Variants in GPNMB observed in about 807,000 individuals in gnomAD.
GPNMB encodes the protein glycoprotein nmb.
In GPNMB, 71 loss-of-function variants were observed where a neutral mutation model predicts 57.3. The observed-to-expected ratio is 1.24, with a 90% CI of 1.02 to 1.51. The LOEUF (loss-of-function observed/expected upper bound fraction) is 1.51, where lower values mean the gene tolerates loss of function less well. Among genes scored for constraint, GPNMB ranks in the 40% most tolerant of loss-of-function variants. The probability of loss-of-function intolerance (pLI) is 0.00; values close to 1 mark genes in which losing one functional copy is unlikely to be tolerated. For synonymous variants in GPNMB, 253 were observed against 263.2 expected, an observed-to-expected ratio of 0.96 and a Z score of 0.38; for missense variants, 677 against 691.9, an observed-to-expected ratio of 0.98 and a Z score of 0.24.
At chr7:23,272,860 T>C (rs1783242685) in intron 9 of GPNMB, among the ~76,000 whole-genome samples, 1 of 151,852 alleles carries the variant, frequency 6.6e-6, no homozygotes, top group South Asian at 2.1e-4. Flanking sequence ...TTTTTTTTTT[T>C]TGAGGCAAGG....
chr7:23,265,187 G>A (rs949072988), intron 6 of GPNMB, among the ~76,000 whole-genome samples: 6 of 152,228 alleles, frequency 3.9e-5, no homozygotes, highest in Non-Finnish European at 7.3e-5. Flanking sequence ...ACTGCTCTGA[G>A]AAATCTGCTT....
intron 1 of GPNMB, among the ~76,000 whole-genome samples, chr7:23,248,930 C>A (rs892579884): frequency 6.6e-6 from 1 of 152,060 alleles, no homozygotes. Flanking sequence ...ACCACAGGCA[C>A]GTGCCACCAC....
intron 7 of GPNMB, 30 bp downstream of exon 7, chr7:23,266,645 A>G: frequency 6.2e-7 from 1 of 1,607,746 alleles, no homozygotes; most frequent in Non-Finnish European, 8.5e-7. Flanking sequence ...CCAGTGAGGA[A>G]GGATGCTAGA....
rs771301615 is a variant in GPNMB at position 23,260,661 on chromosome 7, G to T, written c.906G>T (p.Thr302=). 6.2e-7 allele frequency: 1 copy of T among 1,613,920 alleles called. No homozygotes were observed. Among genetic ancestry groups the T allele is most frequent in the Admixed American group, 1.7e-5 (1 of 60,012 alleles). The change falls in exon 6 of 11, where the codon ACG becomes ACT. Residue 302 remains threonine, a synonymous_variant. Coordinates refer to ENST00000258733, the MANE Select transcript of GPNMB (RefSeq NM_002510.3). The stretch of plus-strand genomic sequence containing the variant: ...CCACCAATCATACTGTGAATCACAC[G>T]TATGTGCTCAATGGAACCTTCAGCC... The part of the protein sequence containing the change: ...FVSTNHTVNH[T]YVLNGTFSLN...
In GPNMB at chr7:23,260,100, T is replaced by C; in HGVS notation, c.662T>C (p.Val221Ala). 1.2e-6 allele frequency: 2 copies of C among 1,614,000 alleles called. No homozygotes were observed. The highest frequency in any genetic ancestry group is 1.7e-6 in the Non-Finnish European group (2 of 1,179,870). The change falls in exon 5 of 11, where the codon GTT becomes GCT. Residue 221 changes from valine (V) to alanine (A), a missense_variant. Physicochemically the swap from Val to Ala is moderately conservative, Grantham distance 64. Transcript: ENST00000258733. ...TACAGAAGACATGGACGGGCATATGTTCCCATCGCACAAGTGAAAGATGTG... is the reference window on the plus strand; with the variant it reads ...TACAGAAGACATGGACGGGCATATGCTCCCATCGCACAAGTGAAAGATGTG... Reference protein sequence around the residue: ...TVYRRHGRAYVPIAQVKDVYV... With the variant: ...TVYRRHGRAYAPIAQVKDVYV...
At chr7:23,247,073 T>C in intron 1 of GPNMB, 146 bp downstream of exon 1, 1 of 682,650 alleles carries the variant, frequency 1.5e-6, no homozygotes, top group Non-Finnish European at 2.6e-6. Flanking sequence ...TTCTGCAAAC[T>C]GTTGGGAAGG....
chr7:23,253,261 G>C (rs1230393183), intron 1 of GPNMB, 46 bp from the exon 2 acceptor site: 16 of 1,565,802 alleles, frequency 1.0e-5, no homozygotes, highest in Non-Finnish European at 1.4e-5. Context: ...CCACTGTGAG[G>C]TGATTACTAA....
chr7:23,251,866 G>GTT (rs1033563338), intron 1 of GPNMB, among the ~76,000 whole-genome samples: 6 of 152,334 alleles, frequency 3.9e-5, no homozygotes, highest in East Asian at 3.9e-4. Context: ...ATTTTGAACT[G>GTT]TTAGAGTAGA....
chr7:23,274,139 T>A lies in GPNMB; in HGVS notation c.1598T>A (p.Leu533His), dbSNP rs1262802982. 1 of 1,613,742 alleles carries A rather than the reference T, an allele frequency of 6.2e-7. No individual in the cohort carries two copies. Among genetic ancestry groups the A allele is most frequent in the Admixed American group, 1.7e-5 (1 of 60,022 alleles). The change falls in exon 11 of 11, where the codon CTC (leucine) becomes CAC (histidine). Residue 533 changes from leucine to histidine, a missense_variant. Transcript: ENST00000258733. ...VVRSKGLSVFLNRAKAVFFPG... is the reference protein window; with the variant it reads ...VVRSKGLSVFHNRAKAVFFPG... ...AGAAGCAAAGGCCTGAGTGTCTTTC[T>A]CAACCGTGCAAAAGCCGTGTTCTTC...
intron 1 of GPNMB, among the ~76,000 whole-genome samples, chr7:23,252,179 A>G (rs1386189558): frequency 6.6e-6 from 1 of 152,246 alleles, no homozygotes; most frequent in Non-Finnish European, 1.5e-5. Flanking sequence ...AAAGAAGGAA[A>G]AAAGAACAAG....
intron 1 of GPNMB, 74 bp downstream of exon 1, chr7:23,247,001 T>TAGTTCAGAG: frequency 9.2e-7 from 1 of 1,092,114 alleles, no homozygotes; most frequent in Non-Finnish European, 1.4e-6. Context: ...TAATATCCTC[T>TAGTTCAGAG]GAACTAGAGG....
intron 4 of GPNMB, among the ~76,000 whole-genome samples, chr7:23,258,802 G>T (rs751870427): frequency 6.6e-5 from 10 of 152,334 alleles, no homozygotes; most frequent in African/African-American, 2.4e-4. Flanking sequence ...TCAACGTGAA[G>T]GAGGATTCCA....
chr7:23,269,685 C>G lies in GPNMB; in HGVS notation c.1221-282C>G, dbSNP rs112915254. Among the ~76,000 whole-genome samples, 681 of 152,188 alleles carry G rather than the reference C, an allele frequency of 4.5e-3. 5 individuals carry two copies. Among genetic ancestry groups the G allele is most frequent in the African/African-American group, 0.015 (636 of 41,536 alleles). ...TATAGAGGGAGTGAGCTGGGCTTCACGTGGTTTCCATCAGCCCCTTCCCCT... is the reference window on the plus strand; with the variant it reads ...TATAGAGGGAGTGAGCTGGGCTTCAGGTGGTTTCCATCAGCCCCTTCCCCT... On this transcript the variant is annotated intron_variant, in intron 8 of 10. Transcript: ENST00000258733.
At chr7:23,270,653 T>C (rs1481600701) in intron 9 of GPNMB, among the ~76,000 whole-genome samples, 1 of 152,186 alleles carries the variant, frequency 6.6e-6, no homozygotes, top group African/African-American at 2.4e-5. Context: ...TAACTTACCA[T>C]GCATCCTCTC....
Position 23,260,565 on chromosome 7 carries a change from T to A in GPNMB, c.810T>A (p.Pro270=), listed in dbSNP as rs35019508. ...TGTTTGATGTCCTGATTCATGATCC[T>A]AGCCACTTCCTCAATTATTCTACCA... The part of the protein sequence containing the change: ...PIMFDVLIHD[P]SHFLNYSTIN... Residue 270 remains proline (P), a synonymous_variant, in exon 6 of 11, where the codon CCT becomes CCA. Transcript: ENST00000258733. The A allele has an allele frequency of 5.0e-3, 8,064 of 1,613,782 alleles. 97 individuals are homozygous for A. Among genetic ancestry groups the A allele is most frequent in the African/African-American group, 0.045 (3,345 of 75,014 alleles).
intron 1 of GPNMB, among the ~76,000 whole-genome samples, chr7:23,249,411 A>C (rs1276601134): frequency 5.3e-5 from 8 of 152,164 alleles, no homozygotes; most frequent in African/African-American, 1.4e-4. Context: ...TCCATCACCA[A>C]AGTATTCTCA....
At chr7:23,271,477 AAAAC>A (rs960157787) in intron 9 of GPNMB, among the ~76,000 whole-genome samples, 14 of 152,174 alleles carry the variant, frequency 9.2e-5, no homozygotes, top group South Asian at 2.1e-4. Flanking sequence ...TCCAGCTACA[AAAAC>A]AAACAAACAA....
At chr7:23,265,840 G>A (rs1402561247) in intron 6 of GPNMB, among the ~76,000 whole-genome samples, 1 of 150,518 alleles carries the variant, frequency 6.6e-6, no homozygotes, top group Non-Finnish European at 1.5e-5. Flanking sequence ...CTAAAAACAA[G>A]GGAAGCTGGA....
intron 10 of GPNMB, 75 bp from the exon 11 acceptor site, chr7:23,273,990 T>C: frequency 6.2e-6 from 7 of 1,131,886 alleles, no homozygotes; most frequent in Non-Finnish European, 9.0e-6. Flanking sequence ...ATACCTGGCA[T>C]GAAAAAGATT....
Sources: gnomAD v4.1 joint callset for allele counts (sites outside exome capture counted in the v4.1 genomes callset) on GRCh38, gnomAD v4.1.1 for gene constraint, MANE v1.5 for transcripts, NCBI Gene and HGNC (gene_info 2026-07-23, HGNC 2026-07-21) for gene names.